Variants in CDH4 observed in about 807,000 individuals in gnomAD.
CDH4 encodes cadherin-4.
In CDH4, 33 loss-of-function variants were observed where a neutral mutation model predicts 86.0. The observed-to-expected ratio is 0.38, with a 90% CI of 0.29 to 0.51. The LOEUF (loss-of-function observed/expected upper bound fraction) is 0.51, where lower values mean the gene tolerates loss of function less well. CDH4 is among the 20% of genes least tolerant of loss of function. The pLI, the probability that CDH4 is intolerant of heterozygous loss-of-function variation, is 0.86. For synonymous variants in CDH4, 555 were observed against 549.4 expected (o/e 1.01, Z -0.14); for missense variants, 1,114 against 1,307.4 (o/e 0.85, Z 2.28).
rs368891086 is a variant in CDH4, at chr20:61,453,022, G to A, written c.169+198085G>A. Among the ~76,000 whole-genome samples the A allele has an allele frequency of 1.1e-4, 16 of 152,104 alleles. No homozygotes were observed. The South Asian group carries it at 2.9e-3, about 28-fold the overall frequency. On this transcript the variant is annotated intron_variant, in intron 2 of 15. Coordinates refer to ENST00000614565, the MANE Select transcript of CDH4 (RefSeq NM_001794.5). ...TGATGTGTCTTCTCCTAAGTTAGCA[G>A]TATAGAAAAAGCTTCTATTAAGAAG...
At chr20:61,322,405 G>A (rs1469751285) in intron 2 of CDH4, among the ~76,000 whole-genome samples, 2 of 152,206 alleles carry the variant, frequency 1.3e-5, no homozygotes. Context: ...GAACTGAGCG[G>A]AGACCTGGCT....
At chr20:61,675,167 C>T (rs2087432658) in intron 2 of CDH4, among the ~76,000 whole-genome samples, 1 of 152,216 alleles carries the variant, frequency 6.6e-6, no homozygotes, top group Non-Finnish European at 1.5e-5. Context: ...GTAGATGTGG[C>T]ATGAGGTTGG....
chr20:61,480,207 A>G lies in CDH4; in HGVS notation c.169+225270A>G, dbSNP rs866032832. Among the ~76,000 whole-genome samples the G allele has an allele frequency of 2.0e-5, 3 of 151,846 alleles. No homozygotes were observed. The highest frequency in any genetic ancestry group is 4.8e-5 in the African/African-American group (2 of 41,316). On this transcript the variant is annotated intron_variant, in intron 2 of 15. Coordinates refer to ENST00000614565, the MANE Select transcript of CDH4 (RefSeq NM_001794.5). This position sits in a 1 kb window ranked among gnomAD's most constrained non-coding sequence, Gnocchi z 5.2. ...CTATTTTTTCCCCAACAGACTCCCA[A>G]TCCATCTCTTCCACCCCAGGAGGAC...
At chr20:61,781,710 A>G (rs1978555170) in intron 4 of CDH4, among the ~76,000 whole-genome samples, 1 of 152,190 alleles carries the variant, frequency 6.6e-6, no homozygotes, top group South Asian at 2.1e-4. Context: ...TCAAAGAAAT[A>G]ATGATTGAGA....
chr20:61,612,555 G>A (rs971727532), intron 2 of CDH4, among the ~76,000 whole-genome samples: 1 of 152,080 alleles, frequency 6.6e-6, no homozygotes, highest in African/African-American at 2.4e-5. Flanking sequence ...CTGTCCACAT[G>A]GTCACTTTTC....
At chr20:61,349,563 A>G (rs960765591) in intron 2 of CDH4, among the ~76,000 whole-genome samples, 2 of 152,176 alleles carry the variant, frequency 1.3e-5, no homozygotes, top group African/African-American at 4.8e-5. Context: ...GTGCTGGCTG[A>G]TGTCCCCGTT....
At chr20:61,403,814 G>A (rs907517604) in intron 2 of CDH4, among the ~76,000 whole-genome samples, 2 of 152,112 alleles carry the variant, frequency 1.3e-5, no homozygotes, top group African/African-American at 4.8e-5. Flanking sequence ...CCCAAACTGA[G>A]AGGGGAAATC....
rs1201071144 is a variant in CDH4, at chr20:61,393,720, C to T, written c.169+138783C>T. Among the ~76,000 whole-genome samples the T allele has an allele frequency of 2.0e-5, 3 of 152,020 alleles. No homozygotes were observed. The South Asian group carries it at 6.2e-4, about 32-fold the overall frequency. On this transcript the variant is annotated intron_variant, in intron 2 of 15. Transcript: ENST00000614565. The surrounding 1 kb of genome is among the most constrained non-coding windows in gnomAD (Gnocchi z 4.3). ...CCCTCACGCCTCTGTTGTGTCAGGACAAGATATGTAGCTGGCAGGGTTCTC... is the reference window on the plus strand; with the variant it reads ...CCCTCACGCCTCTGTTGTGTCAGGATAAGATATGTAGCTGGCAGGGTTCTC...
intron 2 of CDH4, among the ~76,000 whole-genome samples, chr20:61,559,819 G>A (rs545856637): frequency 1.3e-5 from 2 of 152,028 alleles, no homozygotes; most frequent in Non-Finnish European, 2.9e-5. Flanking sequence ...GCACCCAGCC[G>A]GATTCTCCTT....
chr20:61,425,771 C>T (rs1432357472), intron 2 of CDH4, among the ~76,000 whole-genome samples: 3 of 150,604 alleles, frequency 2.0e-5, no homozygotes, highest in Non-Finnish European at 4.4e-5. Flanking sequence ...TCGAGGGCCC[C>T]GCCCAGGGCA....
chr20:61,483,561 T>A (rs888268800), intron 2 of CDH4, among the ~76,000 whole-genome samples: 2 of 152,196 alleles, frequency 1.3e-5, no homozygotes, highest in East Asian at 3.9e-4. Flanking sequence ...GCAAACATAC[T>A]GTGAGCTGAG....
intron 2 of CDH4, among the ~76,000 whole-genome samples, chr20:61,720,791 G>C (rs982014515): frequency 1.3e-5 from 2 of 152,076 alleles, no homozygotes; most frequent in Admixed American, 1.3e-4. Flanking sequence ...TCGGGGAGGC[G>C]TGTTCTCTCA....
At chr20:61,460,330 T>C (rs2085434775) in intron 2 of CDH4, among the ~76,000 whole-genome samples, 1 of 152,102 alleles carries the variant, frequency 6.6e-6, no homozygotes. Flanking sequence ...GGCTGCTCTG[T>C]CTCTTTAAGG....
chr20:61,656,746 A>C (rs1054229484), intron 2 of CDH4, among the ~76,000 whole-genome samples: 2 of 152,134 alleles, frequency 1.3e-5, no homozygotes, highest in African/African-American at 2.4e-5. Flanking sequence ...TGCATTCGTG[A>C]ATAGGAGGTG....
intron 7 of CDH4, among the ~76,000 whole-genome samples, chr20:61,893,594 T>C (rs1984957687): frequency 6.9e-6 from 1 of 145,570 alleles, no homozygotes; most frequent in African/African-American, 2.6e-5. Flanking sequence ...GGTGGATCGA[T>C]GGGTGTGGGG....
intron 2 of CDH4, among the ~76,000 whole-genome samples, chr20:61,466,202 A>G (rs2085470710): frequency 6.6e-6 from 1 of 152,186 alleles, no homozygotes; most frequent in Admixed American, 6.5e-5. Context: ...AACCAAGCAG[A>G]GTCTCTTTTT....
At chr20:61,631,104 C>T (rs1010419194) in intron 2 of CDH4, among the ~76,000 whole-genome samples, 1 of 152,180 alleles carries the variant, frequency 6.6e-6, no homozygotes, top group Non-Finnish European at 1.5e-5. Flanking sequence ...TGCAGTTCTG[C>T]CTGCTAAGCA....
intron 2 of CDH4, among the ~76,000 whole-genome samples, chr20:61,679,343 C>G (rs996757659): frequency 6.6e-6 from 1 of 151,862 alleles, no homozygotes; most frequent in Non-Finnish European, 1.5e-5. Flanking sequence ...CCCTGGAGGG[C>G]TTTTGTCAAA....
intron 2 of CDH4, among the ~76,000 whole-genome samples, chr20:61,305,126 G>T (rs2084409596): frequency 6.6e-6 from 1 of 152,186 alleles, no homozygotes; most frequent in African/African-American, 2.4e-5. Context: ...GGCCTGTATT[G>T]TGTGTGGGGA....
Sources: allele counts gnomAD v4.1 joint callset (sites outside exome capture counted in the v4.1 genomes callset), GRCh38; gene constraint gnomAD v4.1.1; non-coding constraint Gnocchi (gnomAD v3.1); transcripts MANE v1.5; gene names NCBI Gene and HGNC (gene_info 2026-07-23, HGNC 2026-07-21).